Variants in CSMD1 observed in about 807,000 individuals in gnomAD.
The protein encoded by CSMD1 is CUB and Sushi multiple domains 1.
A neutral mutation model predicts 417.5 loss-of-function variants in CSMD1; 213 were observed. The observed-to-expected ratio is 0.51, with a 90% CI of 0.46 to 0.57. The LOEUF is 0.57. CSMD1 is among the 20% of genes least tolerant of loss of function. The probability of loss-of-function intolerance (pLI) is 0.00; values close to 1 mark genes in which losing one functional copy is unlikely to be tolerated. For missense variants in CSMD1, 6,923 were observed against 4,529.7 expected (o/e 1.53, Z -15.17); for synonymous variants, 2,862 against 1,736.8 (o/e 1.65, Z -16.11).
intron 49 of CSMD1, among the ~76,000 whole-genome samples, chr8:3,066,342 A>G (rs1585263557): frequency 6.6e-6 from 1 of 152,244 alleles, no homozygotes; most frequent in South Asian, 2.1e-4. Context: ...TTGAAGCTCA[A>G]CATGGTCAGA....
chr8:2,974,680 T>G, intron 55 of CSMD1, 56 bp from the exon 56 acceptor site: 1 of 1,363,810 alleles, frequency 7.3e-7, no homozygotes. Flanking sequence ...CCACTTTGTA[T>G]TGGAAAATCT....
At chr8:4,052,001 C>G (rs376401718) in intron 3 of CSMD1, among the ~76,000 whole-genome samples, 1 of 151,938 alleles carries the variant, frequency 6.6e-6, no homozygotes. Context: ...TCTCGGCTCA[C>G]TGCAACCTCT....
intron 5 of CSMD1, among the ~76,000 whole-genome samples, chr8:3,913,607 A>G (rs1370836398): frequency 2.0e-5 from 3 of 152,212 alleles, no homozygotes; most frequent in Non-Finnish European, 4.4e-5. Flanking sequence ...CAGATCTGGC[A>G]AGAATGTACT....
At chr8:4,929,489 G>T (rs975323937) in intron 1 of CSMD1, among the ~76,000 whole-genome samples, 1 of 152,138 alleles carries the variant, frequency 6.6e-6, no homozygotes, top group African/African-American at 2.4e-5. Context: ...AAAATGAGAT[G>T]CTGGATATTT....
At chr8:4,634,997 G>A (rs565123201) in intron 2 of CSMD1, among the ~76,000 whole-genome samples, 3 of 152,292 alleles carry the variant, frequency 2.0e-5, no homozygotes, top group Admixed American at 6.5e-5. Flanking sequence ...TTCTACGTAT[G>A]CGGATAGGAG....
chr8:4,554,752 G>A (rs533169230), intron 2 of CSMD1, among the ~76,000 whole-genome samples: 22 of 152,172 alleles, frequency 1.4e-4, no homozygotes, highest in Non-Finnish European at 3.1e-4. Flanking sequence ...GAACTTTATT[G>A]AGTGCTAGTC....
intron 5 of CSMD1, among the ~76,000 whole-genome samples, chr8:3,884,421 G>C (rs114713500): frequency 6.6e-6 from 1 of 152,120 alleles, no homozygotes. Flanking sequence ...CTTGTTACAA[G>C]GGACACAGAA....
At chr8:4,040,944 T>C (rs778894994) in intron 3 of CSMD1, among the ~76,000 whole-genome samples, 18 of 152,094 alleles carry the variant, frequency 1.2e-4, no homozygotes, top group South Asian at 2.1e-4. Flanking sequence ...AATAATCTTA[T>C]GGTCTTACAT....
intron 1 of CSMD1, among the ~76,000 whole-genome samples, chr8:4,816,803 A>T (rs1391702838): frequency 6.6e-6 from 1 of 152,120 alleles, no homozygotes; most frequent in Non-Finnish European, 1.5e-5. Context: ...GATGGGAGAG[A>T]TGTCACAGAG....
chr8:3,423,100 G>T (rs1300639565), intron 12 of CSMD1, among the ~76,000 whole-genome samples: 4 of 152,120 alleles, frequency 2.6e-5, no homozygotes, highest in African/African-American at 9.6e-5. Flanking sequence ...AATTATTTTG[G>T]GGTCACTTAT....
chr8:4,714,929 A>G (rs1298646403), intron 1 of CSMD1, among the ~76,000 whole-genome samples: 1 of 152,220 alleles, frequency 6.6e-6, no homozygotes, highest in Non-Finnish European at 1.5e-5. Flanking sequence ...GACTTTTTGG[A>G]AGGTGTCTAG....
intron 33 of CSMD1, among the ~76,000 whole-genome samples, chr8:3,191,407 G>A (rs996903615): frequency 6.6e-6 from 1 of 152,090 alleles, no homozygotes; most frequent in Non-Finnish European, 1.5e-5. Flanking sequence ...AGTGAGCCAA[G>A]ATCACACCAC....
At chr8:4,759,740 G>A (rs189234153) in intron 1 of CSMD1, among the ~76,000 whole-genome samples, 1 of 152,122 alleles carries the variant, frequency 6.6e-6, no homozygotes, top group South Asian at 2.1e-4. Context: ...AAAAAGACAA[G>A]ATCTCATTCA....
At chr8:3,089,729 C>T (rs1296454035) in intron 48 of CSMD1, among the ~76,000 whole-genome samples, 5 of 144,418 alleles carry the variant, frequency 3.5e-5, no homozygotes, top group Non-Finnish European at 6.0e-5. Flanking sequence ...ACATATGACA[C>T]GTGTCTATCT....
At position 4,107,013 on chromosome 8, in the gene CSMD1, A is replaced by T. The variant is rs75461721; in HGVS notation, c.416-74914T>A. Among the ~76,000 whole-genome samples the T allele has an allele frequency of 6.4e-3, 975 of 152,290 alleles. 13 individuals are homozygous for T. The highest frequency in any genetic ancestry group is 0.022 in the African/African-American group (930 of 41,550). On this transcript the variant is annotated intron_variant, in intron 3 of 69. Transcript: ENST00000635120. ...GCCTTAGACAACACTAACAGGAGAG[A>T]AAATTGTATGAGAGCTGCCACATAT...
At chr8:4,212,885 G>A (rs1800406335) in intron 3 of CSMD1, among the ~76,000 whole-genome samples, 1 of 150,808 alleles carries the variant, frequency 6.6e-6, no homozygotes, top group African/African-American at 2.4e-5. Flanking sequence ...GAGGACAACA[G>A]TTTAGAGGCT....
intron 2 of CSMD1, among the ~76,000 whole-genome samples, chr8:4,579,658 G>T (rs1799322122): frequency 6.6e-6 from 1 of 151,884 alleles, no homozygotes; most frequent in South Asian, 2.1e-4. Flanking sequence ...CATCATGCCC[G>T]GCCTTAAACC....
intron 1 of CSMD1, among the ~76,000 whole-genome samples, chr8:4,867,596 G>A (rs191971258): frequency 6.6e-6 from 1 of 152,142 alleles, no homozygotes; most frequent in African/African-American, 2.4e-5. Context: ...CATCAGCGCT[G>A]TATTTTTGTA....
At chr8:4,952,691 T>C (rs924102212) in intron 1 of CSMD1, among the ~76,000 whole-genome samples, 7 of 152,084 alleles carry the variant, frequency 4.6e-5, no homozygotes, top group Non-Finnish European at 1.0e-4. Flanking sequence ...AAACATGGAA[T>C]ACATTAAAAT....
Sources: allele counts gnomAD v4.1 joint callset (sites outside exome capture counted in the v4.1 genomes callset), GRCh38; gene constraint gnomAD v4.1.1; transcripts MANE v1.5; gene names NCBI Gene and HGNC (gene_info 2026-07-23, HGNC 2026-07-21).